The following LPA variants were observed in gnomAD, a reference collection of about 807,000 sequenced individuals.
LPA encodes lipoprotein(a).
A neutral mutation model predicts 197.9 loss-of-function variants in LPA; 199 were observed. That is an observed-to-expected ratio of 1.01 (90% CI 0.90 to 1.13). The LOEUF (loss-of-function observed/expected upper bound fraction) is 1.13. Among genes scored for constraint, LPA ranks in the 50% most tolerant of loss-of-function variants. The pLI, the probability that LPA is intolerant of heterozygous loss-of-function variation, is 0.00. For synonymous variants in LPA, 715 were observed against 639.5 expected, an observed-to-expected ratio of 1.12 and a Z score of -1.78; for missense variants, 1,853 against 1,785.8, an observed-to-expected ratio of 1.04 and a Z score of -0.68.
chr6:160,602,676 T>C (rs1239671585), intron 18 of LPA, among the ~76,000 whole-genome samples: 1 of 152,260 alleles, frequency 6.6e-6, no homozygotes, highest in Non-Finnish European at 1.5e-5. Context: ...AGCCTGCTGA[T>C]TCCAAATTAT....
chr6:160,577,051 C>A (rs532130653), intron 28 of LPA, 85 bp downstream of exon 28: 3 of 1,539,396 alleles, frequency 1.9e-6, no homozygotes, highest in East Asian at 4.5e-5. Flanking sequence ...AAATTTGTCC[C>A]TAGGAAGTGA....
intron 26 of LPA, among the ~76,000 whole-genome samples, chr6:160,579,612 A>C (rs960338734): frequency 2.0e-5 from 3 of 152,176 alleles, no homozygotes; most frequent in African/African-American, 4.8e-5. Context: ...AGGCTGGAGG[A>C]ATCTTGGAGA....
chr6:160,570,216 C>G (rs1778538080), intron 28 of LPA, among the ~76,000 whole-genome samples: 1 of 152,140 alleles, frequency 6.6e-6, no homozygotes, highest in Non-Finnish European at 1.5e-5. Flanking sequence ...TTCACAATAG[C>G]AAAGACTTGG....
intron 16 of LPA, among the ~76,000 whole-genome samples, chr6:160,608,386 T>C (rs1461189993): frequency 6.6e-6 from 1 of 152,174 alleles, no homozygotes; most frequent in East Asian, 1.9e-4. Context: ...CTCTTCTTGT[T>C]CCTGTTTACC....
intron 26 of LPA, among the ~76,000 whole-genome samples, chr6:160,581,771 G>T (rs1353058681): frequency 6.6e-6 from 1 of 152,074 alleles, no homozygotes; most frequent in East Asian, 1.9e-4. Flanking sequence ...AATTCTGCTT[G>T]GGTGTGGGTT....
chr6:160,610,853 G>A (rs1054427523), intron 16 of LPA, among the ~76,000 whole-genome samples: 4 of 152,074 alleles, frequency 2.6e-5, no homozygotes, highest in African/African-American at 9.7e-5. Flanking sequence ...AATTCTCTAG[G>A]TCCTCTACCA....
intron 19 of LPA, 91 bp downstream of exon 19, chr6:160,600,826 G>A (rs1039098707): frequency 9.3e-6 from 13 of 1,391,940 alleles, no homozygotes; most frequent in African/African-American, 2.8e-5. Flanking sequence ...ACGAGAACCA[G>A]TGTAGCACTG....
intron 28 of LPA, among the ~76,000 whole-genome samples, chr6:160,559,171 C>T (rs187619165): frequency 9.2e-5 from 14 of 152,198 alleles, no homozygotes; most frequent in Non-Finnish European, 1.6e-4. Flanking sequence ...AGTCCCTACC[C>T]AATTAATCTG....
chr6:160,570,758 G>T (rs909255691), intron 28 of LPA, among the ~76,000 whole-genome samples: 1 of 152,142 alleles, frequency 6.6e-6, no homozygotes, highest in South Asian at 2.1e-4. Flanking sequence ...TTTCTCTCTG[G>T]CTGCCCTCAA....
chr6:160,588,270 G>C (rs1237898538), intron 24 of LPA, among the ~76,000 whole-genome samples: 2 of 150,966 alleles, frequency 1.3e-5, no homozygotes, highest in Non-Finnish European at 3.0e-5. Flanking sequence ...TTTTTTTCTT[G>C]TGGAATGCAG....
intron 19 of LPA, among the ~76,000 whole-genome samples, chr6:160,599,928 A>G (rs1489857087): frequency 1.3e-5 from 2 of 152,260 alleles, no homozygotes; most frequent in Non-Finnish European, 2.9e-5. Context: ...CGGAAACTCC[A>G]CTAACATGGA....
rs528348301 is a variant in LPA, at chr6:160,651,321, T to C, written c.50-824A>G. Among the ~76,000 whole-genome samples, 1,029 of 152,332 alleles carry C rather than the reference T, an allele frequency of 6.8e-3. 10 individuals carry two copies. The highest frequency in any genetic ancestry group is 0.023 in the African/African-American group (973 of 41,574). On this transcript the variant is annotated intron_variant, in intron 1 of 38. Coordinates refer to ENST00000316300, the MANE Select transcript of LPA (RefSeq NM_005577.4). Reference sequence around the variant, plus strand: ...TATGTGTATGAAGATATCCCCTCTGTAGTGCAGGCATGCAGTGACTGCTAA... The same window carrying C: ...TATGTGTATGAAGATATCCCCTCTGCAGTGCAGGCATGCAGTGACTGCTAA...
Position 160,601,991 on chromosome 6 carries a change from C to G in LPA, c.2946-893G>C, listed in dbSNP as rs546199717. Among the ~76,000 whole-genome samples the G allele has an allele frequency of 7.9e-5, 12 of 152,328 alleles. No individual in the cohort carries two copies. The East Asian group carries it at 2.3e-3, about 29-fold the overall frequency. The stretch of plus-strand genomic sequence containing the variant: ...GGCTGGGGAAATCTCAGAGCATTCA[C>G]TCCTCCTTATGCCTCCTAAGAACAT... On this transcript the variant is annotated intron_variant, in intron 18 of 38. Transcript: ENST00000316300.
chr6:160,611,263 T>A (rs1294763075), intron 16 of LPA, among the ~76,000 whole-genome samples: 2 of 152,108 alleles, frequency 1.3e-5, no homozygotes, highest in South Asian at 4.1e-4. Flanking sequence ...TGACGCTTAG[T>A]GGGTGTTGGG....
intron 1 of LPA, among the ~76,000 whole-genome samples, chr6:160,654,557 T>A (rs1780099026): frequency 6.6e-6 from 1 of 152,108 alleles, no homozygotes; most frequent in South Asian, 2.1e-4. Flanking sequence ...CCTGAAATCA[T>A]ACATAATCTT....
At chr6:160,583,860 G>A (rs1778845725) in intron 26 of LPA, among the ~76,000 whole-genome samples, 1 of 152,150 alleles carries the variant, frequency 6.6e-6, no homozygotes, top group Non-Finnish European at 1.5e-5. Context: ...GGTAATTATG[G>A]GGTTGATCTT....
intron 18 of LPA, among the ~76,000 whole-genome samples, chr6:160,604,787 G>C (rs941114952): frequency 4.6e-5 from 7 of 152,138 alleles, no homozygotes; most frequent in Admixed American, 3.3e-4. Context: ...TTCATCATTT[G>C]TCATCTTGAC....
In LPA at chr6:160,635,127, T is replaced by C. The variant is rs766540727; in HGVS notation, c.1071A>G (p.Glu357=). ...TPVPSLEAPS[E]QAPTEQRPGV... is the part of the protein sequence containing the mutation. ...GTCTGGCCACAGACTCCTTACCTTG[T>C]TCGGAAGGAGCCTCTAGGCTTGGAA... Residue 357 remains glutamate (E), a synonymous_variant, in exon 7 of 39, where the codon GAA becomes GAG. Coordinates refer to ENST00000316300, the MANE Select transcript of LPA (RefSeq NM_005577.4). 78 of 1,477,850 alleles carry C rather than the reference T, an allele frequency of 5.3e-5. No individual in the cohort carries two copies. Among genetic ancestry groups the C allele is most frequent in the Admixed American group, 6.8e-5 (4 of 59,244 alleles). 91.5% of individuals were successfully genotyped at this position (1,477,850 alleles called of 1,614,324 possible).
At chr6:160,581,240 A>C (rs1778789580) in intron 26 of LPA, among the ~76,000 whole-genome samples, 1 of 152,154 alleles carries the variant, frequency 6.6e-6, no homozygotes, top group Admixed American at 6.6e-5. Flanking sequence ...ATGTAAATTT[A>C]TGCTGACCCT....
Sources: gnomAD v4.1 joint callset for allele counts (sites outside exome capture counted in the v4.1 genomes callset) on GRCh38, gnomAD v4.1.1 for gene constraint, MANE v1.5 for transcripts, NCBI Gene and HGNC (gene_info 2026-07-23, HGNC 2026-07-21) for gene names.